The following NFIB variants were observed in gnomAD, a reference collection of about 807,000 sequenced individuals.
The protein encoded by NFIB is nuclear factor 1 B-type.
A neutral mutation model predicts 61.5 loss-of-function variants in NFIB; 11 were observed. That is an observed-to-expected ratio of 0.18 (90% CI 0.11 to 0.30). The LOEUF is 0.30. Ranked by LOEUF, NFIB falls within the 10% of genes least tolerant of loss-of-function variation. The pLI is 1.00. For missense variants in NFIB, 471 were observed against 608.9 expected (o/e 0.77, Z 2.38); for synonymous variants, 260 against 216.5 (o/e 1.20, Z -1.76).
chr9:14,087,789 G>GC lies in NFIB; in HGVS notation c.*519dup, dbSNP rs1466378471. On this transcript the variant is annotated 3_prime_UTR_variant, in exon 11 of 11. Coordinates refer to ENST00000380953, the MANE Select transcript of NFIB (RefSeq NM_001190737.2). ...CCAGCACCTCTGACGCCGCCTCCTA[G>GC]CCTTCGTTGGTGAGATAACCAGGAA... is the stretch of plus-strand genomic sequence containing the variant. The GC allele has an allele frequency of 4.5e-6, 1 of 220,206 alleles. No individual in the cohort carries two copies. Among genetic ancestry groups the GC allele is most frequent in the Non-Finnish European group, 9.1e-6 (1 of 109,706 alleles). The allele number at this position is 220,206 out of a possible 1,614,324, so 13.6% of individuals were successfully genotyped here.
intron 2 of NFIB, among the ~76,000 whole-genome samples, chr9:14,187,582 G>A (rs535768498): frequency 6.6e-6 from 1 of 152,168 alleles, no homozygotes; most frequent in East Asian, 1.9e-4. Context: ...GATATATCCT[G>A]TTTCATTCCT....
intron 2 of NFIB, among the ~76,000 whole-genome samples, chr9:14,200,452 A>G (rs1157602611): frequency 6.6e-6 from 1 of 152,202 alleles, no homozygotes; most frequent in Non-Finnish European, 1.5e-5. Context: ...TAAGAAAATA[A>G]TAATCCTCAT....
chr9:14,285,894 A>C (rs2132481210), intron 2 of NFIB, among the ~76,000 whole-genome samples: 1 of 152,352 alleles, frequency 6.6e-6, no homozygotes, highest in East Asian at 1.9e-4. Context: ...TTACACAAGA[A>C]GAAATGGAGC....
chr9:14,164,606 C>T (rs989837607), intron 3 of NFIB, among the ~76,000 whole-genome samples: 16 of 152,190 alleles, frequency 1.1e-4, no homozygotes, highest in Admixed American at 9.2e-4. Flanking sequence ...CCATAGAAAT[C>T]AAATACATTA....
At chr9:14,197,728 G>A (rs1178984584) in intron 2 of NFIB, among the ~76,000 whole-genome samples, 1 of 152,202 alleles carries the variant, frequency 6.6e-6, no homozygotes, top group East Asian at 1.9e-4. Flanking sequence ...TTTCTTAGCT[G>A]TGTCAGAAAG....
chr9:14,173,581 A>G (rs1438379372), intron 3 of NFIB, among the ~76,000 whole-genome samples: 1 of 152,158 alleles, frequency 6.6e-6, no homozygotes. Context: ...TGCTCAATAA[A>G]TATCTGCTGG....
intron 3 of NFIB, among the ~76,000 whole-genome samples, chr9:14,157,178 G>T (rs953489744): frequency 6.6e-6 from 1 of 152,132 alleles, no homozygotes. Context: ...AACAAATTAA[G>T]ATCTTAGGGC....
chr9:14,334,330 C>T (rs1287362720), intron 1 of NFIB, among the ~76,000 whole-genome samples: 1 of 152,148 alleles, frequency 6.6e-6, no homozygotes, highest in Admixed American at 6.5e-5. Context: ...TATACTCCCA[C>T]CAGCAGTATA....
chr9:14,304,677 T>G (rs2059927133), intron 2 of NFIB, among the ~76,000 whole-genome samples: 1 of 152,248 alleles, frequency 6.6e-6, no homozygotes, highest in Admixed American at 6.5e-5. Flanking sequence ...TGTTTTCCTT[T>G]ATACTTCTTT....
chr9:14,212,052 T>C (rs1010202350), intron 2 of NFIB, among the ~76,000 whole-genome samples: 1 of 152,184 alleles, frequency 6.6e-6, no homozygotes, highest in Non-Finnish European at 1.5e-5. Context: ...CCATTTATCA[T>C]AAAATAAGTG....
At chr9:14,528,516 G>A in the NFIB span, among the ~76,000 whole-genome samples, 4 of 152,100 alleles carry the variant, frequency 2.6e-5, no homozygotes, top group Non-Finnish European at 2.9e-5. Context: ...ACAAGACTAC[G>A]AGAATTTCAA....
chr9:14,331,858 C>T (rs1331134564), intron 1 of NFIB, among the ~76,000 whole-genome samples: 1 of 152,108 alleles, frequency 6.6e-6, no homozygotes, highest in African/African-American at 2.4e-5. Context: ...GAAACATAGT[C>T]CTTTCTCAAT....
At chr9:14,324,434 A>T (rs1403983846) in intron 1 of NFIB, among the ~76,000 whole-genome samples, 1 of 152,210 alleles carries the variant, frequency 6.6e-6, no homozygotes, top group Non-Finnish European at 1.5e-5. Flanking sequence ...CAAATACTAA[A>T]ACTTTTATGT....
chr9:14,254,361 C>G (rs2055991319), intron 2 of NFIB, among the ~76,000 whole-genome samples: 1 of 152,104 alleles, frequency 6.6e-6, no homozygotes, highest in Non-Finnish European at 1.5e-5. Flanking sequence ...GCTCCCTCCA[C>G]CCCTAGAACC....
rs111734796 is a variant in NFIB at position 14,375,662 on chromosome 9, A to AC, written c.108+22861_108+22862insG. 7.9e-3 allele frequency among the ~76,000 whole-genome samples: 1,202 copies of AC among 152,110 alleles called. 8 individuals are homozygous for AC. The highest frequency in any genetic ancestry group is 0.016 in the East Asian group (82 of 5,160). On this transcript the variant is annotated intron_variant, in intron 1 of 8. Transcript: ENST00000380934. ...AAAAAGAGCAAAAACTCCATCTCAA[A>AC]AAAAAAAAAGAAAAACCTGGGAACA... is the stretch of plus-strand genomic sequence containing the variant.
chr9:14,435,760 G>C, the NFIB span, among the ~76,000 whole-genome samples: 1 of 152,132 alleles, frequency 6.6e-6, no homozygotes, highest in African/African-American at 2.4e-5. Context: ...TGTAAGCTCC[G>C]AGCTCAAGTT....
intron 1 of NFIB, among the ~76,000 whole-genome samples, chr9:14,346,290 A>ACCC (rs67699489): frequency 0.019 from 1,713 of 88,104 alleles, 172 homozygotes; most frequent in Middle Eastern, 0.053. Flanking sequence ...GGTAACCGAC[A>ACCC]CCCCCCCCCC....
intron 2 of NFIB, among the ~76,000 whole-genome samples, chr9:14,253,674 T>C (rs986134150): frequency 6.6e-6 from 1 of 152,060 alleles, no homozygotes; most frequent in Non-Finnish European, 1.5e-5. Context: ...CCAAAAATAA[T>C]TTTTTAATAA....
chr9:14,490,533 G>C, the NFIB span, among the ~76,000 whole-genome samples: 26 of 152,162 alleles, frequency 1.7e-4, 1 homozygote, highest in South Asian at 5.4e-3. Context: ...CCAAAATATG[G>C]AAGACATTGT....
Sources: allele counts gnomAD v4.1 joint callset (sites outside exome capture counted in the v4.1 genomes callset), GRCh38; gene constraint gnomAD v4.1.1; transcripts MANE v1.5; gene names NCBI Gene and HGNC (gene_info 2026-07-23, HGNC 2026-07-21).